CNTNAP2: variants seen among roughly 807,000 people sequenced by gnomAD.
CNTNAP2 encodes the protein contactin-associated protein-like 2.
A neutral mutation model predicts 155.2 loss-of-function variants in CNTNAP2; 98 were observed. The ratio of observed to expected loss-of-function variants is 0.63; its 90% CI spans 0.54 to 0.75. CNTNAP2 has a LOEUF of 0.75. CNTNAP2 is among the 30% of genes least tolerant of loss of function. CNTNAP2 has a pLI of 0.00. For synonymous variants in CNTNAP2, 651 were observed against 631.2 expected, an observed-to-expected ratio of 1.03 and a Z score of -0.47; for missense variants, 1,727 against 1,688.1, an observed-to-expected ratio of 1.02 and a Z score of -0.40.
chr7:147,141,948 G>T (rs1260219784), intron 8 of CNTNAP2, among the ~76,000 whole-genome samples: 1 of 152,122 alleles, frequency 6.6e-6, no homozygotes, highest in Non-Finnish European at 1.5e-5. Context: ...TGCTGAAGTT[G>T]CCTATCAGCT....
chr7:146,268,058 A>G (rs899941790), intron 1 of CNTNAP2, among the ~76,000 whole-genome samples: 10 of 152,186 alleles, frequency 6.6e-5, no homozygotes, highest in Non-Finnish European at 1.3e-4. Context: ...AGTGAAAAAC[A>G]CCACATGATT....
chr7:148,125,655 CTGTGTGTGTG>C (rs763817928), intron 16 of CNTNAP2, among the ~76,000 whole-genome samples: 7,078 of 136,344 alleles, frequency 0.052, 265 homozygotes, highest in Admixed American at 0.086. Flanking sequence ...TATTATAAAA[CTGTGTGTGTG>C]TGTGTGTGTG....
chr7:147,818,238 G>A (rs1407542950), intron 13 of CNTNAP2, among the ~76,000 whole-genome samples: 3 of 151,892 alleles, frequency 2.0e-5, no homozygotes, highest in Non-Finnish European at 4.4e-5. Context: ...ATTTCTTTGA[G>A]GCTCTGTATC....
intron 1 of CNTNAP2, among the ~76,000 whole-genome samples, chr7:146,120,734 T>C (rs749351658): frequency 6.6e-6 from 1 of 152,160 alleles, no homozygotes; most frequent in Non-Finnish European, 1.5e-5. Flanking sequence ...CTTTTCCATG[T>C]TTAAGTATGA....
At chr7:146,352,794 G>T (rs1297772658) in intron 1 of CNTNAP2, among the ~76,000 whole-genome samples, 2 of 114,714 alleles carry the variant, frequency 1.7e-5, no homozygotes, top group East Asian at 2.6e-4. Context: ...TCTCTCTGTC[G>T]CCCAGGCTGG....
At chr7:148,284,348 G>T (rs946282999) in intron 21 of CNTNAP2, among the ~76,000 whole-genome samples, 1 of 152,000 alleles carries the variant, frequency 6.6e-6, no homozygotes, top group Non-Finnish European at 1.5e-5. Flanking sequence ...TTCCCTTTCA[G>T]TTGGCTCTCA....
chr7:146,568,993 AT>A (rs891179904), intron 1 of CNTNAP2, among the ~76,000 whole-genome samples: 13 of 150,822 alleles, frequency 8.6e-5, no homozygotes, highest in Non-Finnish European at 1.8e-4. Context: ...ACTTCTTTTT[AT>A]TTTTTTTATT....
chr7:146,463,328 T>G (rs1307496521), intron 1 of CNTNAP2, among the ~76,000 whole-genome samples: 1 of 152,158 alleles, frequency 6.6e-6, no homozygotes, highest in East Asian at 1.9e-4. Context: ...CTTTTTGAAT[T>G]CTTCTGTCTC....
chr7:148,292,590 G>A (rs1797206855), intron 21 of CNTNAP2, among the ~76,000 whole-genome samples: 1 of 152,178 alleles, frequency 6.6e-6, no homozygotes, highest in Non-Finnish European at 1.5e-5. Flanking sequence ...TCTTAAGCCT[G>A]GGGAAGGGAA....
intron 1 of CNTNAP2, among the ~76,000 whole-genome samples, chr7:146,658,886 G>GT (rs774396199): frequency 1.2e-4 from 19 of 152,270 alleles, no homozygotes; most frequent in Non-Finnish European, 2.5e-4. Flanking sequence ...AAGGGGAAAG[G>GT]TGGTATTAGG....
intron 15 of CNTNAP2, among the ~76,000 whole-genome samples, chr7:147,989,051 T>C (rs1482807557): frequency 6.6e-6 from 1 of 152,216 alleles, no homozygotes; most frequent in Non-Finnish European, 1.5e-5. Flanking sequence ...GGATTCCTAG[T>C]GGGACTTTGA....
intron 4 of CNTNAP2, among the ~76,000 whole-genome samples, chr7:147,065,500 AAAC>A (rs1463930035): frequency 6.6e-6 from 1 of 152,200 alleles, no homozygotes; most frequent in Non-Finnish European, 1.5e-5. Context: ...AACACCAGGT[AAAC>A]AACATTAGGA....
In CNTNAP2 at chr7:146,619,831, C is replaced by A. The variant is rs535221680; in HGVS notation, c.98-154440C>A. 2.0e-5 allele frequency among the ~76,000 whole-genome samples: 3 copies of A among 152,154 alleles called. No homozygotes were observed. In the East Asian group the frequency reaches 5.8e-4, roughly 29 times the overall value. ...TTTGATAGGTTTTCTCCATTCACTG[C>A]CAACATCCATTTGAGTATTCGAATA... On this transcript the variant is annotated intron_variant, in intron 1 of 23. Transcript: ENST00000361727.
chr7:146,221,723 C>T (rs1278984918), intron 1 of CNTNAP2, among the ~76,000 whole-genome samples: 1 of 152,178 alleles, frequency 6.6e-6, no homozygotes. Flanking sequence ...GTTGTGAGAG[C>T]ACTTCTAACA....
At chr7:146,332,938 T>C (rs1230653434) in intron 1 of CNTNAP2, among the ~76,000 whole-genome samples, 1 of 142,162 alleles carries the variant, frequency 7.0e-6, no homozygotes. Flanking sequence ...TTTTTCTTCT[T>C]CTATTTTTTT....
intron 1 of CNTNAP2, among the ~76,000 whole-genome samples, chr7:146,189,109 AAATC>A (rs1798666521): frequency 6.6e-6 from 1 of 152,192 alleles, no homozygotes; most frequent in South Asian, 2.1e-4. Context: ...CATAAAGTAA[AAATC>A]AAAGAATGAG....
At chr7:147,938,397 A>G (rs1800654394) in intron 14 of CNTNAP2, among the ~76,000 whole-genome samples, 1 of 152,186 alleles carries the variant, frequency 6.6e-6, no homozygotes, top group Admixed American at 6.5e-5. Context: ...ACATAAAAGA[A>G]CTTGGAATAT....
intron 11 of CNTNAP2, among the ~76,000 whole-genome samples, chr7:147,555,332 A>G (rs1398478028): frequency 6.6e-6 from 1 of 152,150 alleles, no homozygotes. Flanking sequence ...TTTTACATGA[A>G]AAGGCTTCTT....
At chr7:147,061,914 G>T (rs1438144439) in intron 4 of CNTNAP2, among the ~76,000 whole-genome samples, 3 of 151,834 alleles carry the variant, frequency 2.0e-5, no homozygotes, top group Admixed American at 6.6e-5. Flanking sequence ...GGATCACGAG[G>T]TCAGGAGATT....
Sources: gnomAD v4.1 joint callset for allele counts (sites outside exome capture counted in the v4.1 genomes callset) on GRCh38, gnomAD v4.1.1 for gene constraint, MANE v1.5 for transcripts, NCBI Gene and HGNC (gene_info 2026-07-23, HGNC 2026-07-21) for gene names.